The following EPG5 variants were observed in gnomAD, a reference collection of about 807,000 sequenced individuals.
EPG5 encodes the protein ectopic P granules protein 5 homolog.
In EPG5, 159 loss-of-function variants were observed where a neutral mutation model predicts 302.7. The ratio of observed to expected loss-of-function variants is 0.53; its 90% CI spans 0.46 to 0.60. EPG5 has a LOEUF of 0.60. EPG5 is among the 20% of genes least tolerant of loss of function. The pLI, the probability that EPG5 is intolerant of heterozygous loss-of-function variation, is 0.00. For synonymous variants in EPG5, 1,158 were observed against 1,136.8 expected (o/e 1.02, Z -0.37); for missense variants, 2,896 against 3,092.4 (o/e 0.94, Z 1.51).
At chr18:45,949,454 C>T (rs2050857147) in intron 5 of EPG5, 30 bp downstream of exon 5, 1 of 1,375,906 alleles carries the variant, frequency 7.3e-7, no homozygotes, top group South Asian at 1.3e-5. Context: ...CTCCCCCAAC[C>T]CCTCAGAATG....
intron 28 of EPG5, among the ~76,000 whole-genome samples, chr18:45,889,562 T>C (rs1382305689): frequency 2.0e-5 from 3 of 152,190 alleles, no homozygotes; most frequent in African/African-American, 7.2e-5. Context: ...TCAATCCTTC[T>C]GCTGCAGCAT....
chr18:45,924,408 T>C (rs1398509396), intron 14 of EPG5, among the ~76,000 whole-genome samples: 1 of 152,218 alleles, frequency 6.6e-6, no homozygotes, highest in Admixed American at 6.5e-5. Context: ...CAGTCCCAAG[T>C]GGTCAAGGAC....
In EPG5 at chr18:45,923,357, C is replaced by A; in HGVS notation, c.2749G>T (p.Ala917Ser). 6.2e-7 allele frequency: 1 copy of A among 1,613,912 alleles called. No individual in the cohort carries two copies. The highest frequency in any genetic ancestry group is 8.5e-7 in the Non-Finnish European group (1 of 1,179,962). ...TCAAGAACCATTAAAGCCACTTCAGCATGGACTGCTTGATCCAGATGAAGG... is the reference window on the plus strand; with the variant it reads ...TCAAGAACCATTAAAGCCACTTCAGAATGGACTGCTTGATCCAGATGAAGG... ...ATLHLDQAVHAEVALMVLEAY... is the reference protein window; with the variant it reads ...ATLHLDQAVHSEVALMVLEAY... The change falls in exon 15 of 44, where the codon GCT becomes TCT. Residue 917 changes from alanine to serine, a missense_variant. By Grantham distance (99) the Ala-to-Ser change is moderately conservative. This residue lies in a region of EPG5 where 1,390 missense variants were observed against 1,430.0 expected (regional missense o/e 0.97). Coordinates refer to ENST00000282041, the MANE Select transcript of EPG5 (RefSeq NM_020964.3).
intron 17 of EPG5, 67 bp downstream of exon 17, chr18:45,917,612 A>G: frequency 6.4e-7 from 1 of 1,572,218 alleles, no homozygotes; most frequent in Admixed American, 1.8e-5. Flanking sequence ...AGAAACCAGA[A>G]GACACAATCA....
At chr18:45,878,471 C>T in intron 33 of EPG5, 23 bp from the exon 34 acceptor site, 1 of 1,495,690 alleles carries the variant, frequency 6.7e-7, no homozygotes, top group Non-Finnish European at 9.3e-7. Flanking sequence ...AGAGACAAAA[C>T]AAAGGTCATC....
chr18:45,833,353 G>A, the EPG5 span, among the ~76,000 whole-genome samples: 3 of 152,120 alleles, frequency 2.0e-5, no homozygotes, highest in South Asian at 6.2e-4. Context: ...GTCTCGCTCT[G>A]TTGCCCAGGC....
At chr18:45,824,543 G>A in the EPG5 span, among the ~76,000 whole-genome samples, 1 of 152,222 alleles carries the variant, frequency 6.6e-6, no homozygotes, top group Admixed American at 6.5e-5. Flanking sequence ...GTTTTAAGCA[G>A]GGAAGAGAAA....
intron 43 of EPG5, among the ~76,000 whole-genome samples, chr18:45,854,219 C>G (rs2048469547): frequency 6.6e-6 from 1 of 152,234 alleles, no homozygotes; most frequent in South Asian, 2.1e-4. Context: ...CAAACAGCAG[C>G]TGTCTAGGCA....
At chr18:45,911,818 G>A (rs1402207636) in intron 22 of EPG5, among the ~76,000 whole-genome samples, 1 of 152,188 alleles carries the variant, frequency 6.6e-6, no homozygotes, top group Admixed American at 6.5e-5. Flanking sequence ...CGTAATAGTG[G>A]ATGGCTCTGG....
chr18:45,862,514 G>T (rs934352461), intron 39 of EPG5, among the ~76,000 whole-genome samples: 9 of 152,154 alleles, frequency 5.9e-5, no homozygotes, highest in African/African-American at 2.2e-4. Context: ...ATGGGGGTAG[G>T]TCCTTCATGA....
chr18:45,858,684 C>G lies in EPG5; in HGVS notation c.7108G>C (p.Gly2370Arg). ...TAGACGTAAAGAGTCAAGTAACTGC[C>G]CAAGGTGAGGCACTCCTGCAGGAAC... ...EEFLQECLTL[G>R]SYLTLYVYLL... The change falls in exon 41 of 44, where the codon GGC (glycine) becomes CGC (arginine). Residue 2370 changes from glycine to arginine, a missense_variant. Physicochemically the swap from Gly to Arg is moderately radical, Grantham distance 125. This residue lies in a region of EPG5 where 620 missense variants were observed against 704.2 expected (regional missense o/e 0.88). Coordinates refer to ENST00000282041, the MANE Select transcript of EPG5 (RefSeq NM_020964.3). 6 of 1,614,046 alleles carry G rather than the reference C, an allele frequency of 3.7e-6. No homozygotes were observed. The highest frequency in any genetic ancestry group is 5.1e-6 in the Non-Finnish European group (6 of 1,180,000).
At chr18:45,917,432 T>C in intron 17 of EPG5, among the ~76,000 whole-genome samples, 2 of 152,358 alleles carry the variant, frequency 1.3e-5, no homozygotes, top group Admixed American at 1.3e-4. Context: ...TATTAAGCTT[T>C]AATAAGCAAT....
At chr18:45,940,794 A>T (rs1012834171) in intron 9 of EPG5, among the ~76,000 whole-genome samples, 2 of 150,654 alleles carry the variant, frequency 1.3e-5, no homozygotes, top group African/African-American at 2.4e-5. Flanking sequence ...GTTAGATTGA[A>T]TGTGGGGTAT....
intron 13 of EPG5, among the ~76,000 whole-genome samples, chr18:45,927,019 A>G (rs1047705968): frequency 6.6e-6 from 1 of 150,844 alleles, no homozygotes; most frequent in African/African-American, 2.4e-5. Flanking sequence ...GCAGTAGCAT[A>G]CAATGTTTTT....
chr18:45,829,153 A>C, the EPG5 span: 2 of 985,400 alleles, frequency 2.0e-6, no homozygotes, highest in Non-Finnish European at 2.4e-6. Context: ...CAGCAGGGTC[A>C]GCCTGTGGCC....
chr18:45,881,605 A>G (rs921108882), intron 31 of EPG5, among the ~76,000 whole-genome samples: 1 of 152,282 alleles, frequency 6.6e-6, no homozygotes, highest in South Asian at 2.1e-4. Context: ...AGTAAATACT[A>G]TCTCATTTAT....
chr18:45,842,168 C>G, the EPG5 span: 5 of 1,614,184 alleles, frequency 3.1e-6, no homozygotes, highest in Non-Finnish European at 4.2e-6. Flanking sequence ...AGCCCACCAG[C>G]CACCATGTGC....
At position 45,882,306 on chromosome 18, in the gene EPG5, TGGTCAGGAAACTG is replaced by T; in HGVS notation, c.5473_5485del (p.Gln1825SerfsTer18). The T allele has an allele frequency of 6.2e-7, 1 of 1,614,190 alleles. No individual in the cohort carries two copies. The highest frequency in any genetic ancestry group is 2.2e-5 in the East Asian group (1 of 44,880). On this transcript the variant is annotated frameshift_variant, in exon 31 of 44. Coordinates refer to ENST00000282041, the MANE Select transcript of EPG5 (RefSeq NM_020964.3). LOFTEE classifies it high-confidence loss of function. ...AAGCAGCCTGAGAATGTCACTGTAC[TGGTCAGGAAACTG>T]GTAGAGAAGAAGATAAGTCCAGTGC...
At position 45,925,807 on chromosome 18, in the gene EPG5, G is replaced by T; in HGVS notation, c.2649C>A (p.Asn883Lys). The T allele has an allele frequency of 6.3e-7, 1 of 1,577,324 alleles. No individual in the cohort carries two copies. Among genetic ancestry groups the T allele is most frequent in the Admixed American group, 1.9e-5 (1 of 51,998 alleles). Residue 883 changes from asparagine to lysine, a missense_variant, in exon 14 of 44, where the codon AAC (asparagine) becomes AAA (lysine). Transcript: ENST00000282041. ...CCAGTTTATTCTTCACCACTGTCAG[G>T]TTGTAATTCAATAACCAATCCCGAA... ...AVIRDWLLNY[N>K]LTVVKNKLAC... is the part of the protein sequence containing the mutation.
Sources: allele counts gnomAD v4.1 joint callset (sites outside exome capture counted in the v4.1 genomes callset), GRCh38; gene constraint gnomAD v4.1.1; regional missense constraint gnomAD v4.1.1; transcripts MANE v1.5; gene names NCBI Gene and HGNC (gene_info 2026-07-23, HGNC 2026-07-21).